RIMS2: variants seen among roughly 807,000 people sequenced by gnomAD.
RIMS2 encodes the protein regulating synaptic membrane exocytosis protein 2.
Under a neutral mutation model 174.4 loss-of-function variants are expected in RIMS2, and 59 were observed. That is an observed-to-expected ratio of 0.34 (90% CI 0.27 to 0.42). The LOEUF (loss-of-function observed/expected upper bound fraction) is 0.42. Ranked by LOEUF, RIMS2 falls within the 10% of genes least tolerant of loss-of-function variation. The probability of loss-of-function intolerance (pLI) is 1.00; values close to 1 mark genes in which losing one functional copy is unlikely to be tolerated. For synonymous variants in RIMS2, 606 were observed against 572.5 expected, an observed-to-expected ratio of 1.06 and a Z score of -0.84; for missense variants, 1,620 against 1,666.3, an observed-to-expected ratio of 0.97 and a Z score of 0.48.
intron 17 of RIMS2, among the ~76,000 whole-genome samples, chr8:103,999,878 A>G (rs1026315668): frequency 6.6e-6 from 1 of 151,758 alleles, no homozygotes; most frequent in African/African-American, 2.4e-5. Flanking sequence ...GAAGACATTT[A>G]TGAATTGTCT....
chr8:104,087,130 A>G (rs547272584), intron 19 of RIMS2, among the ~76,000 whole-genome samples: 26 of 152,302 alleles, frequency 1.7e-4, no homozygotes, highest in South Asian at 1.7e-3. Flanking sequence ...ACAGCTATCA[A>G]TGTATCTTGT....
intron 1 of RIMS2, among the ~76,000 whole-genome samples, chr8:103,580,539 GA>G (rs2093547768): frequency 6.6e-6 from 1 of 152,018 alleles, no homozygotes; most frequent in South Asian, 2.1e-4. Flanking sequence ...CATAACACTG[GA>G]GCTCCCTAGT....
At chr8:103,941,390 G>A (rs1169733569) in intron 13 of RIMS2, among the ~76,000 whole-genome samples, 7 of 152,114 alleles carry the variant, frequency 4.6e-5, no homozygotes. Flanking sequence ...AGGAGGCTGA[G>A]GTGGGAGAAT....
chr8:104,242,884 AC>A, intron 19 of RIMS2, among the ~76,000 whole-genome samples: 1 of 152,120 alleles, frequency 6.6e-6, no homozygotes, highest in Non-Finnish European at 1.5e-5. Context: ...GTGTTAAAGT[AC>A]TTTTTTTTTC....
chr8:103,519,146 G>A (rs1830441368), intron 1 of RIMS2, among the ~76,000 whole-genome samples: 1 of 151,884 alleles, frequency 6.6e-6, no homozygotes, highest in Non-Finnish European at 1.5e-5. Context: ...CCTTTCATAA[G>A]GGAGATATGT....
intron 3 of RIMS2, among the ~76,000 whole-genome samples, chr8:103,834,319 CT>C (rs2098844234): frequency 7.5e-6 from 1 of 132,502 alleles, no homozygotes; most frequent in South Asian, 2.4e-4. Flanking sequence ...AAAATCTTTT[CT>C]TTTTTCTTTT....
rs188067288 is a variant in RIMS2, at chr8:104,182,571, T to C, written c.3335-62345T>C. ...CCCTCCTCCCCTCACCTTAATCAACTACTAATCTACTTTCTGTCTCTATAG... is the reference window on the plus strand; with the variant it reads ...CCCTCCTCCCCTCACCTTAATCAACCACTAATCTACTTTCTGTCTCTATAG... On this transcript the variant is annotated intron_variant, in intron 19 of 23. Transcript: ENST00000504942. Among the ~76,000 whole-genome samples, 27 of 151,840 alleles carry C rather than the reference T, an allele frequency of 1.8e-4. No homozygotes were observed. In the East Asian group the frequency reaches 5.2e-3, roughly 29 times the overall value.
At chr8:104,085,099 A>G (rs924362430) in intron 19 of RIMS2, among the ~76,000 whole-genome samples, 1 of 152,238 alleles carries the variant, frequency 6.6e-6, no homozygotes, top group African/African-American at 2.4e-5. Flanking sequence ...TGTATCAGTC[A>G]TGTTTGCACT....
chr8:103,954,406 C>A (rs755295150), intron 14 of RIMS2, among the ~76,000 whole-genome samples: 1 of 152,226 alleles, frequency 6.6e-6, no homozygotes, highest in Non-Finnish European at 1.5e-5. Context: ...AACAGTCTCT[C>A]AGACCACAGT....
exon 23 of RIMS2, chr8:104,251,032 G>A (rs1038282017): frequency 6.2e-7 from 1 of 1,613,134 alleles, no homozygotes; most frequent in Non-Finnish European, 8.5e-7. Flanking sequence ...AGCACCGTAT[G>A]TAAAAGTGTA....
At chr8:103,875,570 C>T (rs763120410) in intron 3 of RIMS2, among the ~76,000 whole-genome samples, 10 of 151,942 alleles carry the variant, frequency 6.6e-5, no homozygotes, top group African/African-American at 9.7e-5. Flanking sequence ...CTGTGATAAA[C>T]GTGTGCAGGT....
In RIMS2 at chr8:103,768,552, A is replaced by G. The variant is rs1187333496; in HGVS notation, c.698+2015A>G. On this transcript the variant is annotated intron_variant, in intron 3 of 23. Transcript: ENST00000504942. Reference sequence around the variant, plus strand: ...TGTTACAGACCAAGGAGAACTGGAGAAAGAAAGAGAAAATCAGTTCGTGGT... The same window carrying G: ...TGTTACAGACCAAGGAGAACTGGAGGAAGAAAGAGAAAATCAGTTCGTGGT... 13 of 1,498,504 alleles carry G rather than the reference A, an allele frequency of 8.7e-6. No individual in the cohort carries two copies. The African/African-American group carries it at 1.5e-4, about 17-fold the overall frequency. 92.8% of individuals were successfully genotyped at this position (1,498,504 alleles called of 1,614,324 possible).
chr8:103,756,628 G>A (rs531443888), intron 2 of RIMS2, among the ~76,000 whole-genome samples: 1 of 151,984 alleles, frequency 6.6e-6, no homozygotes, highest in South Asian at 2.1e-4. Context: ...GTTTTGCCAT[G>A]TTGCCCAGGC....
At chr8:104,109,558 T>G (rs2098140407) in intron 19 of RIMS2, among the ~76,000 whole-genome samples, 1 of 152,068 alleles carries the variant, frequency 6.6e-6, no homozygotes, top group Admixed American at 6.5e-5. Flanking sequence ...TAACACTTTC[T>G]GGCACATGAC....
chr8:103,637,709 A>G (rs1232123140), intron 1 of RIMS2, among the ~76,000 whole-genome samples: 2 of 152,206 alleles, frequency 1.3e-5, no homozygotes, highest in East Asian at 3.8e-4. Context: ...GTATTTATCA[A>G]AACAAAGAAA....
At chr8:104,190,143 A>T (rs1357766741) in intron 19 of RIMS2, among the ~76,000 whole-genome samples, 3 of 152,028 alleles carry the variant, frequency 2.0e-5, no homozygotes, top group Admixed American at 1.3e-4. Flanking sequence ...CTCTACAAAA[A>T]ATTAGAACAT....
In RIMS2 at chr8:103,863,837, T is replaced by G. The variant is rs572459782; in HGVS notation, c.699-21461T>G. 6.6e-5 allele frequency among the ~76,000 whole-genome samples: 10 copies of G among 152,070 alleles called. No individual in the cohort carries two copies. In the East Asian group the frequency reaches 1.9e-3, roughly 29 times the overall value. Reference sequence around the variant, plus strand: ...TGAGTCTTCTTTTTGTTTGTACTGGTTAATCTAACTAGCAGTGTATCAATT... The same window carrying G: ...TGAGTCTTCTTTTTGTTTGTACTGGGTAATCTAACTAGCAGTGTATCAATT... On this transcript the variant is annotated intron_variant, in intron 3 of 23. Transcript: ENST00000504942.
intron 1 of RIMS2, among the ~76,000 whole-genome samples, chr8:103,545,482 C>T (rs964394257): frequency 6.6e-6 from 1 of 152,170 alleles, no homozygotes; most frequent in Non-Finnish European, 1.5e-5. Context: ...ATTTTCCCAA[C>T]TTTCCTAGAG....
At chr8:103,997,905 A>G (rs984712105) in intron 17 of RIMS2, among the ~76,000 whole-genome samples, 7 of 146,816 alleles carry the variant, frequency 4.8e-5, no homozygotes, top group African/African-American at 1.5e-4. Flanking sequence ...AAGCATCTCT[A>G]TCATATAACA....
Sources: allele counts gnomAD v4.1 joint callset (sites outside exome capture counted in the v4.1 genomes callset), GRCh38; gene constraint gnomAD v4.1.1; transcripts MANE v1.5; gene names NCBI Gene and HGNC (gene_info 2026-07-23, HGNC 2026-07-21).